EVI5: variants seen among roughly 807,000 people sequenced by gnomAD.
EVI5 encodes the protein ecotropic viral integration site 5 protein homolog.
EVI5 carries 73 observed loss-of-function variants against 112.0 expected under a neutral mutation model. The observed-to-expected ratio is 0.65, with a 90% CI of 0.54 to 0.79. EVI5 has a LOEUF of 0.79. EVI5 is among the 30% of genes least tolerant of loss of function. The pLI is 0.00. For synonymous variants in EVI5, 305 were observed against 319.9 expected (o/e 0.95, Z 0.50); for missense variants, 900 against 968.8 (o/e 0.93, Z 0.94).
chr1:92,779,996 G>A (rs751764993), intron 1 of EVI5, among the ~76,000 whole-genome samples: 17 of 152,088 alleles, frequency 1.1e-4, no homozygotes, highest in Non-Finnish European at 1.2e-4. Context: ...ATACGATTTG[G>A]CTCTGTGTCC....
chr1:92,612,898 T>C (rs1652199914), intron 16 of EVI5, among the ~76,000 whole-genome samples: 1 of 151,890 alleles, frequency 6.6e-6, no homozygotes. Flanking sequence ...GGCTAGACAG[T>C]GTGAAGGCGC....
At chr1:92,605,173 T>TA (rs559362121) in intron 18 of EVI5, 134 bp downstream of exon 18, 1,141 of 628,948 alleles carry the variant, frequency 1.8e-3, no homozygotes, top group Non-Finnish European at 2.2e-3. Context: ...TTTACCACAA[T>TA]AAAAAAAAAT....
intron 16 of EVI5, among the ~76,000 whole-genome samples, chr1:92,621,747 C>T (rs1654644835): frequency 6.6e-6 from 1 of 152,152 alleles, no homozygotes; most frequent in African/African-American, 2.4e-5. Flanking sequence ...AAAAAGTACC[C>T]ATCTATATGT....
intron 13 of EVI5, among the ~76,000 whole-genome samples, chr1:92,662,100 T>G (rs1416811599): frequency 2.0e-5 from 3 of 152,162 alleles, no homozygotes; most frequent in Non-Finnish European, 4.4e-5. Context: ...CTAGGTTGAT[T>G]AAGATAATTA....
rs1270049869 is a variant in EVI5, at chr1:92,756,644, C to G, written c.-81-20017G>C. 5.9e-6 allele frequency: 3 copies of G among 504,810 alleles called. No individual in the cohort carries two copies. The East Asian group carries it at 1.6e-4, about 27-fold the overall frequency. The allele number at this position is 504,810 out of a possible 1,614,324, so 31.3% of individuals were successfully genotyped here. A position where few individuals can be genotyped will look rare whatever the true frequency, so the allele number is the denominator to read the frequency against. On this transcript the variant is annotated intron_variant, in intron 1 of 19. Transcript: ENST00000684568. ...GTGTTCTAGACAGTCTCCCAGCCCT[C>G]ACAGCCAGTTCACTTTCAGCAACCT...
Position 92,569,906 on chromosome 1 carries a change from CAA to C in EVI5, c.2071-6171_2071-6170del, listed in dbSNP as rs1670069987. On this transcript the variant is annotated intron_variant, in intron 18 of 19. Transcript: ENST00000684568. ...ATATTTCAAAGGCACAGAATAAGAA[CAA>C]AAGAGTAATATAAGAAAGATAAACT... is the stretch of plus-strand genomic sequence containing the variant. Among the ~76,000 whole-genome samples the C allele has an allele frequency of 2.9e-5, 3 of 103,742 alleles. No individual in the cohort carries two copies. The South Asian group carries it at 9.7e-4, about 34-fold the overall frequency. The allele number at this position is 103,742 out of a possible 152,430, so 68.1% of individuals were successfully genotyped here. A position where few individuals can be genotyped will look rare whatever the true frequency, so the allele number is the denominator to read the frequency against.
rs1215219851 is a variant in EVI5, at chr1:92,784,831, C to T, written c.-82+5G>A. Reference sequence around the variant, plus strand: ...GCCCGCCCGGCCTGGCGCAGCGCCCCTCACCTTGGAAACGTTGAGTAGACT... The same window carrying T: ...GCCCGCCCGGCCTGGCGCAGCGCCCTTCACCTTGGAAACGTTGAGTAGACT... On this transcript the variant is annotated splice_donor_5th_base_variant and intron_variant, in intron 1 of 19. Coordinates refer to ENST00000684568, the MANE Select transcript of EVI5 (RefSeq NM_001350197.2). 14 of 985,928 alleles carry T rather than the reference C, an allele frequency of 1.4e-5. No homozygotes were observed. The African/African-American group carries it at 1.7e-4, about 12-fold the overall frequency. The allele number at this position is 985,928 out of a possible 1,614,324, so 61.1% of individuals were successfully genotyped here.
chr1:92,774,096 A>G (rs1188109848), intron 1 of EVI5: 1 of 152,146 alleles, frequency 6.6e-6, no homozygotes, highest in South Asian at 2.1e-4. Flanking sequence ...ATATTTTCAG[A>G]CTGTAATTGA....
intron 4 of EVI5, 33 bp downstream of exon 4, chr1:92,703,362 T>C: frequency 3.1e-6 from 4 of 1,285,024 alleles, no homozygotes; most frequent in Non-Finnish European, 3.3e-6. Context: ...CAGGAATTCA[T>C]TTCATTTCAA....
At chr1:92,637,191 A>T (rs1208444973) in intron 13 of EVI5, among the ~76,000 whole-genome samples, 1 of 152,166 alleles carries the variant, frequency 6.6e-6, no homozygotes, top group Non-Finnish European at 1.5e-5. Context: ...CAGCCTGGCC[A>T]ACGTGGTGAA....
intron 1 of EVI5, among the ~76,000 whole-genome samples, chr1:92,750,947 G>A (rs577845852): frequency 2.0e-4 from 31 of 152,042 alleles, no homozygotes; most frequent in Non-Finnish European, 3.4e-4. Context: ...TCAGGAGATC[G>A]AGACCATCCT....
At chr1:92,533,314 A>T (rs1663234512) in intron 19 of EVI5, among the ~76,000 whole-genome samples, 1 of 152,152 alleles carries the variant, frequency 6.6e-6, no homozygotes, top group African/African-American at 2.4e-5. Flanking sequence ...CAACCAAAAA[A>T]AGTCCAGGAC....
At chr1:92,546,996 AC>A (rs1665829432) in intron 19 of EVI5, among the ~76,000 whole-genome samples, 1 of 152,236 alleles carries the variant, frequency 6.6e-6, no homozygotes, top group Non-Finnish European at 1.5e-5. Context: ...CACCAAGCGA[AC>A]CTAACAGACA....
In EVI5 at chr1:92,736,560, T is replaced by A; in HGVS notation, c.-14A>T. On this transcript the variant is annotated 5_prime_UTR_variant, in exon 2 of 20. Transcript: ENST00000684568. ...CTGACTGGCCATCTGACTGACTGTA[T>A]GCGATACTGTGTTCTTCACCCATGA... is the stretch of plus-strand genomic sequence containing the variant. The A allele has an allele frequency of 6.2e-7, 1 of 1,614,140 alleles. No individual in the cohort carries two copies. The highest frequency in any genetic ancestry group is 8.5e-7 in the Non-Finnish European group (1 of 1,179,978).
At chr1:92,524,081 A>C (rs1661427619) in intron 19 of EVI5, among the ~76,000 whole-genome samples, 1 of 150,160 alleles carries the variant, frequency 6.7e-6, no homozygotes, top group Non-Finnish European at 1.5e-5. Context: ...TGGGTGACAG[A>C]GCAAGACTCC....
chr1:92,678,890 T>TA (rs1667161332), intron 9 of EVI5, among the ~76,000 whole-genome samples: 2 of 152,226 alleles, frequency 1.3e-5, no homozygotes, highest in South Asian at 4.1e-4. Flanking sequence ...CTCTGGGGTT[T>TA]AGAAAGCTTG....
At chr1:92,762,661 CTAAAA>C (rs1438702535) in intron 1 of EVI5, among the ~76,000 whole-genome samples, 1 of 152,154 alleles carries the variant, frequency 6.6e-6, no homozygotes, top group African/African-American at 2.4e-5. Flanking sequence ...ATTCTATTAA[CTAAAA>C]TATTAAGGCA....
At chr1:92,590,578 A>G (rs1048610690) in intron 18 of EVI5, among the ~76,000 whole-genome samples, 2 of 152,196 alleles carry the variant, frequency 1.3e-5, no homozygotes, top group African/African-American at 4.8e-5. Flanking sequence ...AATAATAAAA[A>G]GAAATGAACA....
chr1:92,756,925 T>C (rs1681048059), intron 1 of EVI5: 1 of 356,922 alleles, frequency 2.8e-6, no homozygotes, highest in Non-Finnish European at 5.6e-6. Flanking sequence ...CAAATGAACA[T>C]TACCCTTGTA....
Sources: gnomAD v4.1 joint callset for allele counts (sites outside exome capture counted in the v4.1 genomes callset) on GRCh38, gnomAD v4.1.1 for gene constraint, MANE v1.5 for transcripts, NCBI Gene and HGNC (gene_info 2026-07-23, HGNC 2026-07-21) for gene names.